CDHR3: variants seen among roughly 807,000 people sequenced by gnomAD.
CDHR3 encodes cadherin related family member 3.
Under a neutral mutation model 86.6 loss-of-function variants are expected in CDHR3, and 79 were observed. That is an observed-to-expected ratio of 0.91 (90% CI 0.76 to 1.10). CDHR3 has a LOEUF of 1.10. CDHR3 is among the 50% of genes least tolerant of loss of function. CDHR3 has a pLI of 0.00. For missense variants in CDHR3, 1,081 were observed against 1,077.6 expected (o/e 1.00, Z -0.04); for synonymous variants, 421 against 402.4 (o/e 1.05, Z -0.55).
At chr7:106,031,873 T>C (rs1472331544) in intron 18 of CDHR3, among the ~76,000 whole-genome samples, 1 of 152,058 alleles carries the variant, frequency 6.6e-6, no homozygotes, top group Non-Finnish European at 1.5e-5. Context: ...TAAAAATGGC[T>C]TCCTTGTATC....
chr7:106,029,650 C>T (rs1200753890), intron 17 of CDHR3, among the ~76,000 whole-genome samples: 2 of 152,016 alleles, frequency 1.3e-5, no homozygotes, highest in East Asian at 1.9e-4. Flanking sequence ...CCAGCTCTTC[C>T]CTACCCCCAC....
intron 8 of CDHR3, among the ~76,000 whole-genome samples, chr7:106,009,977 GT>G (rs1339358650): frequency 1.3e-5 from 2 of 152,218 alleles, no homozygotes; most frequent in African/African-American, 2.4e-5. Flanking sequence ...AATGAGGGGA[GT>G]GGCTTTCCAA....
intron 8 of CDHR3, among the ~76,000 whole-genome samples, chr7:106,005,180 C>T (rs747648192): frequency 2.8e-4 from 43 of 152,272 alleles, no homozygotes; most frequent in Non-Finnish European, 2.1e-4. Flanking sequence ...AACAAAGCAT[C>T]GAATTCACCT....
intron 2 of CDHR3, among the ~76,000 whole-genome samples, chr7:105,976,506 A>G (rs1427066605): frequency 6.6e-6 from 1 of 152,202 alleles, no homozygotes; most frequent in Non-Finnish European, 1.5e-5. Context: ...ACAATTCGGT[A>G]GTTTTTAGTA....
intron 1 of CDHR3, 122 bp from the exon 2 acceptor site, chr7:105,974,722 G>T: frequency 1.4e-6 from 1 of 710,934 alleles, no homozygotes; most frequent in East Asian, 2.7e-5. Context: ...TGTTCTCGGG[G>T]AGTGACCAGC....
intron 9 of CDHR3, among the ~76,000 whole-genome samples, chr7:106,013,459 G>C (rs928929593): frequency 3.3e-5 from 5 of 152,196 alleles, no homozygotes; most frequent in Admixed American, 6.5e-5. Flanking sequence ...GACCAGAGGA[G>C]AGTGAGACAG....
chr7:106,012,872 G>T lies in CDHR3; in HGVS notation c.1065G>T (p.Pro355=), dbSNP rs897563658. 2 of 1,603,844 alleles carry T rather than the reference G, an allele frequency of 1.2e-6. No individual in the cohort carries two copies. The highest frequency in any genetic ancestry group is 1.3e-5 in the African/African-American group (1 of 74,426). The part of the protein sequence containing the change: ...CQKFTFSIMV[P]ERTAKGTLLL... ...GTCTTTTCACCAGCATTATGGTGCCGGAAAGAACAGCCAAGGGGACGTTGC... is the reference window on the plus strand; with the variant it reads ...GTCTTTTCACCAGCATTATGGTGCCTGAAAGAACAGCCAAGGGGACGTTGC... The change falls in exon 9 of 19, where the codon CCG becomes CCT. Residue 355 remains proline (P), a synonymous_variant. Coordinates refer to ENST00000317716, the MANE Select transcript of CDHR3 (RefSeq NM_152750.5).
intron 1 of CDHR3, among the ~76,000 whole-genome samples, chr7:105,964,993 G>T (rs73195629): frequency 6.6e-6 from 1 of 152,074 alleles, no homozygotes; most frequent in Non-Finnish European, 1.5e-5. Context: ...AAAGAGTGAG[G>T]TTAGGAAGAA....
intron 8 of CDHR3, among the ~76,000 whole-genome samples, chr7:106,010,901 T>C (rs1834699076): frequency 6.6e-6 from 1 of 151,906 alleles, no homozygotes; most frequent in Non-Finnish European, 1.5e-5. Flanking sequence ...AGTTAAGGAG[T>C]GTTCAGCTAG....
intron 16 of CDHR3, 99 bp downstream of exon 16, chr7:106,026,794 C>A: frequency 8.2e-7 from 1 of 1,218,424 alleles, no homozygotes; most frequent in Non-Finnish European, 1.2e-6. Context: ...GCCGCGATCA[C>A]ATCTTGGAGC....
chr7:106,032,720 T>C lies in CDHR3; in HGVS notation c.*23T>C. On this transcript the variant is annotated 3_prime_UTR_variant, in exon 19 of 19. Transcript: ENST00000317716. ...TAAACGGGGTCTAAGGAGGGGCCTG[T>C]CAATCACTGAGATGCTGCCTCACCC... is the stretch of plus-strand genomic sequence containing the variant. 6.3e-7 allele frequency: 1 copy of C among 1,589,842 alleles called. No individual in the cohort carries two copies. Among genetic ancestry groups the C allele is most frequent in the Non-Finnish European group, 8.6e-7 (1 of 1,166,384 alleles).
At chr7:106,015,841 TAC>T in intron 10 of CDHR3, 84 bp from the exon 11 acceptor site, 1 of 1,005,348 alleles carries the variant, frequency 9.9e-7, no homozygotes. Context: ...GCAAAGCCTG[TAC>T]ACAGGAGATT....
intron 15 of CDHR3, among the ~76,000 whole-genome samples, 166 bp downstream of exon 15, chr7:106,024,728 G>C (rs1336358264): frequency 1.3e-5 from 2 of 152,144 alleles, no homozygotes; most frequent in Non-Finnish European, 2.9e-5. Context: ...AGCTCCCCTC[G>C]GTCCTGGTGC....
intron 3 of CDHR3, among the ~76,000 whole-genome samples, chr7:105,983,168 AAACGG>A (rs1241333623): frequency 6.6e-6 from 1 of 152,168 alleles, no homozygotes; most frequent in Non-Finnish European, 1.5e-5. Flanking sequence ...CTTCCCATGG[AAACGG>A]AAGTTGCATG....
chr7:106,020,365 T>C lies in CDHR3; in HGVS notation c.1654-8T>C. ...CTATTGAGAATGACCACCTTCTTGC[T>C]ACTCTAGGTTACTGTGAACATCCTT... On this transcript the variant is annotated splice_region_variant and splice_polypyrimidine_tract_variant and intron_variant, in intron 12 of 18. Coordinates refer to ENST00000317716, the MANE Select transcript of CDHR3 (RefSeq NM_152750.5). 1 of 1,594,266 alleles carries C rather than the reference T, an allele frequency of 6.3e-7. No individual in the cohort carries two copies. Among genetic ancestry groups the C allele is most frequent in the Non-Finnish European group, 8.6e-7 (1 of 1,169,122 alleles).
chr7:105,984,385 T>C, intron 4 of CDHR3, 96 bp downstream of exon 4: 1 of 822,342 alleles, frequency 1.2e-6, no homozygotes, highest in Non-Finnish European at 1.9e-6. Context: ...GTTTGGGCAG[T>C]GGCAGTCAGG....
intron 13 of CDHR3, among the ~76,000 whole-genome samples, chr7:106,021,148 T>C (rs1836503015): frequency 6.6e-6 from 1 of 152,128 alleles, no homozygotes; most frequent in Non-Finnish European, 1.5e-5. Context: ...CTTCTGTCTT[T>C]AAAAATATAC....
chr7:106,022,437 A>G lies in CDHR3; in HGVS notation c.2065A>G (p.Thr689Ala). 6.2e-7 allele frequency: 1 copy of G among 1,613,712 alleles called. No homozygotes were observed. The highest frequency in any genetic ancestry group is 8.5e-7 in the Non-Finnish European group (1 of 1,179,680). The change falls in exon 14 of 19, where the codon ACG (threonine) becomes GCG (alanine). Residue 689 changes from threonine to alanine, a missense_variant. Physicochemically the swap from Thr to Ala is moderately conservative, Grantham distance 58. Transcript: ENST00000317716. ...VIPHPTTIIT[T>A]TPRPRVTYQV... Reference sequence around the variant, plus strand: ...TCCCCACCCAACCACTATCATCACCACGACCCCCAGGGTAAGGGCTTTAGG... The same window carrying G: ...TCCCCACCCAACCACTATCATCACCGCGACCCCCAGGGTAAGGGCTTTAGG...
chr7:105,991,904 A>G (rs1228401547), intron 4 of CDHR3, among the ~76,000 whole-genome samples: 1 of 152,190 alleles, frequency 6.6e-6, no homozygotes, highest in Non-Finnish European at 1.5e-5. Context: ...CCCGTGGGGC[A>G]TGCCCTAGTA....
Sources: gnomAD v4.1 joint callset for allele counts (sites outside exome capture counted in the v4.1 genomes callset) on GRCh38, gnomAD v4.1.1 for gene constraint, MANE v1.5 for transcripts, NCBI Gene and HGNC (gene_info 2026-07-23, HGNC 2026-07-21) for gene names.